The following PCDHGA11 variants were observed in gnomAD, a reference collection of about 807,000 sequenced individuals.
PCDHGA11 encodes the protein protocadherin gamma-A11.
A neutral mutation model predicts 60.4 loss-of-function variants in PCDHGA11; 39 were observed. The observed-to-expected ratio is 0.65, with a 90% CI of 0.50 to 0.84. The LOEUF is 0.84. PCDHGA11 is among the 40% of genes least tolerant of loss of function. The probability of loss-of-function intolerance (pLI) is 0.00; values close to 1 mark genes in which losing one functional copy is unlikely to be tolerated. For synonymous variants in PCDHGA11, 533 were observed against 510.3 expected, an observed-to-expected ratio of 1.04 and a Z score of -0.60; for missense variants, 1,165 against 1,197.7, an observed-to-expected ratio of 0.97 and a Z score of 0.40.
chr5:141,472,980 C>CAAAAAAAAAAAAAAAAAAAAAAAAAAAA (rs60579131), intron 1 of PCDHGA11, among the ~76,000 whole-genome samples: 1 of 86,106 alleles, frequency 1.2e-5, no homozygotes, highest in Non-Finnish European at 2.5e-5. Flanking sequence ...GAGTGAAACT[C>CAAAAAAAAAAAAAAAAAAAAAAAAAAAA]AAAAAAAAAA....
At chr5:141,479,242 A>G (rs2099491093) in intron 1 of PCDHGA11, 1 of 152,320 alleles carries the variant, frequency 6.6e-6, no homozygotes, top group African/African-American at 2.4e-5. Context: ...AAACCCAAAG[A>G]TAACCATTTT....
Position 141,489,398 on chromosome 5 carries a change from G to A in PCDHGA11, c.2434-5409G>A, listed in dbSNP as rs2099686644. On this transcript the variant is annotated intron_variant, in intron 1 of 3. Transcript: ENST00000398587. This position sits in a 1 kb window ranked among gnomAD's most constrained non-coding sequence, Gnocchi z 4.5. The stretch of plus-strand genomic sequence containing the variant: ...GTGGGGAATGTTGCTCAGGATCTGG[G>A]CTTAAAGATGACAGATCTGTTGAGC... 6.2e-7 allele frequency: 1 copy of A among 1,614,064 alleles called. No homozygotes were observed. The highest frequency in any genetic ancestry group is 1.3e-5 in the African/African-American group (1 of 74,910).
chr5:141,480,390 T>C (rs753766736), intron 1 of PCDHGA11, among the ~76,000 whole-genome samples: 14 of 151,350 alleles, frequency 9.3e-5, no homozygotes, highest in Non-Finnish European at 1.9e-4. Flanking sequence ...ACTTCAACCA[T>C]GGCAATAGAG....
At chr5:141,433,261 A>G (rs761584659) in intron 1 of PCDHGA11, 4 of 1,344,710 alleles carry the variant, frequency 3.0e-6, no homozygotes, top group Non-Finnish European at 4.1e-6. Context: ...CGGTACGATC[A>G]TAGCTCACTG....
chr5:141,439,579 G>A (rs980322898), intron 1 of PCDHGA11, among the ~76,000 whole-genome samples: 6 of 152,148 alleles, frequency 3.9e-5, no homozygotes, highest in African/African-American at 1.4e-4. Context: ...GGGACTCAGA[G>A]TGCCACTGTT....
chr5:141,507,206 G>A (rs1392293998), intron 3 of PCDHGA11: 2 of 152,376 alleles, frequency 1.3e-5, no homozygotes, highest in African/African-American at 4.8e-5. Flanking sequence ...CCAGATCAGG[G>A]TTGCCAGATA....
intron 1 of PCDHGA11, among the ~76,000 whole-genome samples, chr5:141,480,895 A>G (rs1275670492): frequency 6.6e-6 from 1 of 152,048 alleles, no homozygotes; most frequent in African/African-American, 2.4e-5. Flanking sequence ...AAATGCAAAC[A>G]TTAGCTGGGC....
chr5:141,485,619 G>A lies in PCDHGA11; in HGVS notation c.2434-9188G>A. On this transcript the variant is annotated intron_variant, in intron 1 of 3. Coordinates refer to ENST00000398587, the MANE Select transcript of PCDHGA11 (RefSeq NM_018914.3). This position sits in a 1 kb window ranked among gnomAD's most constrained non-coding sequence, Gnocchi z 5.7. ...GAAATTGGGGAGGCAGCTCCTCCAG[G>A]ACAGCGTTTCCCGTTGGAAAAGGCT... 3 of 1,612,234 alleles carry A rather than the reference G, an allele frequency of 1.9e-6. No homozygotes were observed. The highest frequency in any genetic ancestry group is 2.5e-6 in the Non-Finnish European group (3 of 1,178,678).
At chr5:141,459,863 G>A (rs182099511) in intron 1 of PCDHGA11, among the ~76,000 whole-genome samples, 2 of 152,242 alleles carry the variant, frequency 1.3e-5, no homozygotes, top group East Asian at 1.9e-4. Context: ...TGAAGCATTC[G>A]TTCATCTTTA....
At chr5:141,479,505 G>A (rs2099498324) in intron 1 of PCDHGA11, 1 of 152,262 alleles carries the variant, frequency 6.6e-6, no homozygotes, top group African/African-American at 2.4e-5. Flanking sequence ...CCTAAAGAGG[G>A]GTGAACTGGC....
chr5:141,488,441 C>T (rs1320712074), intron 1 of PCDHGA11, among the ~76,000 whole-genome samples: 1 of 152,206 alleles, frequency 6.6e-6, no homozygotes, highest in Non-Finnish European at 1.5e-5. Flanking sequence ...TGACCACCCT[C>T]CTGGGTGACC....
intron 1 of PCDHGA11, among the ~76,000 whole-genome samples, chr5:141,448,700 G>A (rs2098601460): frequency 6.6e-6 from 1 of 152,106 alleles, no homozygotes; most frequent in African/African-American, 2.4e-5. Context: ...CAGCACTTTG[G>A]GAGGCCGAGG....
Position 141,476,209 on chromosome 5 carries a change from G to T in PCDHGA11, c.2434-18598G>T, listed in dbSNP as rs749576231. On this transcript the variant is annotated intron_variant, in intron 1 of 3. Coordinates refer to ENST00000398587, the MANE Select transcript of PCDHGA11 (RefSeq NM_018914.3). The surrounding 1 kb of genome is among the most constrained non-coding windows in gnomAD (Gnocchi z 7.6). ...TTGGTGCCTTGAACAAGGCTTCCAC[G>T]GTCATTCACTATGAGATCCCGGAGG... The T allele has an allele frequency of 6.2e-6, 10 of 1,613,974 alleles. No individual in the cohort carries two copies. Among genetic ancestry groups the T allele is most frequent in the Non-Finnish European group, 8.5e-6 (10 of 1,180,026 alleles).
At chr5:141,441,871 G>A (rs1020432020) in intron 1 of PCDHGA11, 3 of 340,480 alleles carry the variant, frequency 8.8e-6, no homozygotes, top group Admixed American at 8.1e-5. Context: ...CGCGGAGCCT[G>A]GCTACCTGGT....
chr5:141,432,706 C>T lies in PCDHGA11; in HGVS notation c.2433+9046C>T, dbSNP rs761752571. ...GCCTCGTAGTGGCCGTCCAGGACCA[C>T]GGCCAGCCCCCTCTCTCCGCCACTG... On this transcript the variant is annotated intron_variant, in intron 1 of 3. Transcript: ENST00000398587. The surrounding 1 kb of genome is among the most constrained non-coding windows in gnomAD (Gnocchi z 6.0). 10 of 1,613,870 alleles carry T rather than the reference C, an allele frequency of 6.2e-6. No homozygotes were observed. The East Asian group carries it at 1.1e-4, about 18-fold the overall frequency.
rs779686795 is a variant in PCDHGA11 at position 141,476,566 on chromosome 5, G to C, written c.2434-18241G>C. The stretch of plus-strand genomic sequence containing the variant: ...TGGAGATTAGCGAGGCCGTGGCTCC[G>C]GGGACGCGCTTTCCGCTCGAGAGCG... On this transcript the variant is annotated intron_variant, in intron 1 of 3. Transcript: ENST00000398587. This position sits in a 1 kb window ranked among gnomAD's most constrained non-coding sequence, Gnocchi z 7.6. 1.2e-6 allele frequency: 2 copies of C among 1,614,180 alleles called. No homozygotes were observed. The highest frequency in any genetic ancestry group is 1.7e-5 in the Admixed American group (1 of 60,030).
At chr5:141,427,732 G>T in intron 1 of PCDHGA11, 1 of 1,190,370 alleles carries the variant, frequency 8.4e-7, no homozygotes, top group Non-Finnish European at 1.2e-6. Context: ...GGGCTGAATG[G>T]CCAAGTCTCC....
chr5:141,460,961 ATG>A (rs35821115), intron 1 of PCDHGA11, among the ~76,000 whole-genome samples: 22,194 of 144,260 alleles, frequency 0.15, 1,877 homozygotes, highest in South Asian at 0.27. Context: ...GTATATATAT[ATG>A]TGTGTGTGTG....
intron 1 of PCDHGA11, chr5:141,427,753 T>A (rs745532152): frequency 4.5e-6 from 6 of 1,322,510 alleles, no homozygotes; most frequent in Non-Finnish European, 6.4e-6. Flanking sequence ...TACTCCATCG[T>A]TACCACTGAC....
Sources: allele counts gnomAD v4.1 joint callset (sites outside exome capture counted in the v4.1 genomes callset), GRCh38; gene constraint gnomAD v4.1.1; non-coding constraint Gnocchi (gnomAD v3.1); transcripts MANE v1.5; gene names NCBI Gene and HGNC (gene_info 2026-07-23, HGNC 2026-07-21).